PSMD12: variants seen among roughly 807,000 people sequenced by gnomAD.
PSMD12 encodes proteasome 26S subunit, non-ATPase 12, also known as 26S proteasome non-ATPase regulatory subunit 12.
A neutral mutation model predicts 62.9 loss-of-function variants in PSMD12; 8 were observed. That is an observed-to-expected ratio of 0.13 (90% CI 0.07 to 0.23). The LOEUF is 0.23. Ranked by LOEUF, PSMD12 falls within the 10% of genes least tolerant of loss-of-function variation. The pLI is 1.00. For missense variants in PSMD12, 424 were observed against 550.2 expected (o/e 0.77, Z 2.29); for synonymous variants, 173 against 187.4 (o/e 0.92, Z 0.63).
chr17:67,355,972 ACACACACACACACAC>A (rs1349696344), intron 3 of PSMD12, among the ~76,000 whole-genome samples: 1 of 8,400 alleles, frequency 1.2e-4, no homozygotes. Flanking sequence ...CCATTTCTAC[ACACACACACACACAC>A]ACACACACAC....
intron 1 of PSMD12, among the ~76,000 whole-genome samples, chr17:67,364,598 C>A (rs1040797407): frequency 1.3e-5 from 2 of 152,200 alleles, no homozygotes; most frequent in African/African-American, 4.8e-5. Context: ...GAGCAAATTA[C>A]TTGTTTCTTC....
Position 67,357,502 on chromosome 17 carries a change from C to G in PSMD12, c.168+17G>C, listed in dbSNP as rs757940175. On this transcript the variant is annotated intron_variant, in intron 2 of 10. Coordinates refer to ENST00000356126, the MANE Select transcript of PSMD12 (RefSeq NM_002816.5). ...TGAAATTAATGGTAACTGAGCTTTC[C>G]CCTGTAAACTACTCACAGTACGAGT... 1 of 1,612,954 alleles carries G rather than the reference C, an allele frequency of 6.2e-7. No homozygotes were observed. The highest frequency in any genetic ancestry group is 8.5e-7 in the Non-Finnish European group (1 of 1,179,214).
At chr17:67,345,637 C>T in intron 8 of PSMD12, 108 bp downstream of exon 8, 1 of 869,540 alleles carries the variant, frequency 1.2e-6, no homozygotes, top group African/African-American at 1.7e-5. Context: ...AGTAAAACTC[C>T]ATCTCAAAAA....
At chr17:67,341,132 A>G (rs1180487362) in intron 10 of PSMD12, 80 bp from the exon 11 acceptor site, 1 of 1,110,738 alleles carries the variant, frequency 9.0e-7, no homozygotes, top group African/African-American at 1.7e-5. Flanking sequence ...GCATTTTCTG[A>G]ACTCTTCATC....
At chr17:67,354,664 A>G (rs576241603) in intron 3 of PSMD12, among the ~76,000 whole-genome samples, 1 of 152,286 alleles carries the variant, frequency 6.6e-6, no homozygotes, top group South Asian at 2.1e-4. Flanking sequence ...TGTCTCTCAA[A>G]CCACTGAACT....
chr17:67,352,513 A>G (rs1278700329), intron 3 of PSMD12, among the ~76,000 whole-genome samples: 2 of 152,042 alleles, frequency 1.3e-5, no homozygotes, highest in Non-Finnish European at 2.9e-5. Flanking sequence ...GTTAATTATA[A>G]TAATAATTTC....
rs982487453 is a variant in PSMD12 at position 67,339,539 on chromosome 17, T to C, written c.*1304A>G. ...TTCACAATGACTCACAGGATAAATA[T>C]GACAGATATCCCACAACTGTCTTCA... is the stretch of plus-strand genomic sequence containing the variant. On this transcript the variant is annotated 3_prime_UTR_variant, in exon 11 of 11. Coordinates refer to ENST00000356126, the MANE Select transcript of PSMD12 (RefSeq NM_002816.5). 5 of 152,196 alleles carry C rather than the reference T, an allele frequency of 3.3e-5. No homozygotes were observed. Among genetic ancestry groups the C allele is most frequent in the African/African-American group, 9.6e-5 (4 of 41,452 alleles). 9.4% of individuals were successfully genotyped at this position (152,196 alleles called of 1,614,324 possible).
chr17:67,357,235 A>G (rs985606780), intron 3 of PSMD12, 68 bp downstream of exon 3: 27 of 1,516,910 alleles, frequency 1.8e-5, no homozygotes, highest in Non-Finnish European at 2.4e-5. Flanking sequence ...AGACTTATAG[A>G]AGAGCTTGTG....
chr17:67,365,258 C>A (rs148810178), intron 1 of PSMD12, among the ~76,000 whole-genome samples: 113 of 151,660 alleles, frequency 7.5e-4, no homozygotes, highest in African/African-American at 2.6e-3. Context: ...TGTGTGAGGG[C>A]ACCAGCTCCA....
chr17:67,341,469 C>CAA (rs71368819), intron 10 of PSMD12, among the ~76,000 whole-genome samples: 2,968 of 50,386 alleles, frequency 0.059, 395 homozygotes, highest in African/African-American at 0.13. Context: ...GACTCTGCCT[C>CAA]AAAAAAAAAA....
chr17:67,352,541 T>G (rs2143709048), intron 3 of PSMD12, among the ~76,000 whole-genome samples: 1 of 152,314 alleles, frequency 6.6e-6, no homozygotes, highest in Non-Finnish European at 1.5e-5. Context: ...GCACACAACT[T>G]GATAATTCTA....
intron 10 of PSMD12, among the ~76,000 whole-genome samples, chr17:67,341,770 C>T (rs2041917455): frequency 6.6e-6 from 1 of 152,172 alleles, no homozygotes; most frequent in South Asian, 2.1e-4. Context: ...GGACAAGACA[C>T]TTGACTTCTA....
intron 3 of PSMD12, among the ~76,000 whole-genome samples, chr17:67,356,577 AAAAAAAAAAG>A (rs2042076094): frequency 1.4e-5 from 2 of 147,138 alleles, no homozygotes; most frequent in Non-Finnish European, 3.0e-5. Context: ...AAAAAAAAAA[AAAAAAAAAAG>A]AAAATGAAAT....
intron 9 of PSMD12, 54 bp from the exon 10 acceptor site, chr17:67,342,317 A>G (rs2041922865): frequency 5.9e-6 from 7 of 1,192,694 alleles, no homozygotes; most frequent in Admixed American, 2.0e-5. Flanking sequence ...AGTAAGTCTA[A>G]AAGTCCATTT....
At chr17:67,364,534 GTAGAC>G (rs1218686666) in intron 1 of PSMD12, among the ~76,000 whole-genome samples, 1 of 152,228 alleles carries the variant, frequency 6.6e-6, no homozygotes, top group African/African-American at 2.4e-5. Flanking sequence ...CTTGCAAACA[GTAGAC>G]TGGTATTAAC....
At chr17:67,350,493 C>T (rs1452646219) in intron 3 of PSMD12, among the ~76,000 whole-genome samples, 157 bp from the exon 4 acceptor site, 3 of 152,140 alleles carry the variant, frequency 2.0e-5, no homozygotes, top group Non-Finnish European at 4.4e-5. Context: ...CTCACTGATA[C>T]CTAAAAAGTA....
At chr17:67,355,795 A>G (rs909112480) in intron 3 of PSMD12, among the ~76,000 whole-genome samples, 1 of 152,188 alleles carries the variant, frequency 6.6e-6, no homozygotes, top group Non-Finnish European at 1.5e-5. Flanking sequence ...TAATCTCTAA[A>G]CAAAATGAGC....
chr17:67,355,023 A>G (rs2042054200), intron 3 of PSMD12, among the ~76,000 whole-genome samples: 1 of 151,618 alleles, frequency 6.6e-6, no homozygotes, highest in African/African-American at 2.4e-5. Flanking sequence ...TCACATTCAC[A>G]TATTTTAGGT....
intron 3 of PSMD12, among the ~76,000 whole-genome samples, chr17:67,355,994 A>G (rs62085806): frequency 3.0e-5 from 3 of 98,536 alleles, no homozygotes; most frequent in Non-Finnish European, 4.6e-5. Flanking sequence ...ACACACACAC[A>G]CACACACACA....
Sources: allele counts gnomAD v4.1 joint callset (sites outside exome capture counted in the v4.1 genomes callset), GRCh38; gene constraint gnomAD v4.1.1; transcripts MANE v1.5; gene names NCBI Gene and HGNC (gene_info 2026-07-23, HGNC 2026-07-21).